GARIN3: variants seen among roughly 807,000 people sequenced by gnomAD.
GARIN3 encodes the protein golgi associated RAB2 interactor family member 3.
chr5:157,165,524 A>G, the GARIN3 span: 1 of 1,560,250 alleles, frequency 6.4e-7, no homozygotes, highest in Non-Finnish European at 8.7e-7. Flanking sequence ...GCTCCCCCAA[A>G]GAACCTGCCC....
the GARIN3 span, chr5:157,162,537 T>TG: frequency 6.2e-7 from 1 of 1,614,192 alleles, no homozygotes; most frequent in Non-Finnish European, 8.5e-7. Flanking sequence ...CACCCTGGGC[T>TG]TTCTCCACTT....
the GARIN3 span, chr5:157,162,408 A>T: frequency 3.2e-5 from 50 of 1,584,656 alleles, no homozygotes; most frequent in Non-Finnish European, 4.2e-5. Context: ...CTCTAGGGAT[A>T]CTTCCAGATC....
the GARIN3 span, chr5:157,162,556 A>C: frequency 6.2e-7 from 1 of 1,613,940 alleles, no homozygotes; most frequent in Admixed American, 1.7e-5. Context: ...TTTGGCCTCT[A>C]TGTTTTGCTT....
the GARIN3 span, chr5:157,165,636 G>A: frequency 8.7e-6 from 14 of 1,614,160 alleles, no homozygotes; most frequent in East Asian, 3.1e-4. Context: ...ACTCTCTACT[G>A]GTGGCCTCAG....
At chr5:157,162,325 G>T in the GARIN3 span, 17 of 1,413,226 alleles carry the variant, frequency 1.2e-5, no homozygotes, top group African/African-American at 1.2e-4. Flanking sequence ...TCAAGCAGGA[G>T]ATTGTATTTC....
At chr5:157,166,000 TTTTG>T in the GARIN3 span, 8 of 1,614,178 alleles carry the variant, frequency 5.0e-6, no homozygotes, top group South Asian at 2.2e-5. Context: ...ACCTCTCCCT[TTTTG>T]TTTATCTGAA....
chr5:157,163,735 C>T, the GARIN3 span: 1 of 1,513,564 alleles, frequency 6.6e-7, no homozygotes, highest in Non-Finnish European at 8.8e-7. Flanking sequence ...CCTCTCTTAT[C>T]CTGGAGTTAA....
At chr5:157,165,011 C>G in the GARIN3 span, among the ~76,000 whole-genome samples, 1 of 152,034 alleles carries the variant, frequency 6.6e-6, no homozygotes, top group Non-Finnish European at 1.5e-5. Context: ...AAGAGCGAAA[C>G]TCTGTCTCAA....
At chr5:157,163,721 T>C in the GARIN3 span, 1 of 1,539,456 alleles carries the variant, frequency 6.5e-7, no homozygotes, top group Non-Finnish European at 8.7e-7. Flanking sequence ...CAGAACTTTC[T>C]ACTCCTCTCT....
chr5:157,163,629 C>G, the GARIN3 span: 1 of 1,614,066 alleles, frequency 6.2e-7, no homozygotes, highest in Non-Finnish European at 8.5e-7. Flanking sequence ...CAGTCTCACT[C>G]TGATCCCCTT....
At chr5:157,162,032 C>T in the GARIN3 span, 4 of 201,050 alleles carry the variant, frequency 2.0e-5, no homozygotes, top group Non-Finnish European at 4.0e-5. Context: ...TCTGCATAGG[C>T]TAAGAACTGG....
the GARIN3 span, among the ~76,000 whole-genome samples, chr5:157,164,295 G>A: frequency 2.2e-3 from 327 of 151,914 alleles, 5 homozygotes; most frequent in African/African-American, 6.5e-3. Flanking sequence ...GACTACAGGC[G>A]CCCACCACCA....
At chr5:157,164,146 CTTTTT>C in the GARIN3 span, among the ~76,000 whole-genome samples, 1 of 127,220 alleles carries the variant, frequency 7.9e-6, no homozygotes, top group Non-Finnish European at 1.7e-5. Flanking sequence ...AGTCTTTTGT[CTTTTT>C]TTTTTTTTTT....
chr5:157,163,215 G>C, the GARIN3 span: 1 of 1,614,070 alleles, frequency 6.2e-7, no homozygotes, highest in South Asian at 1.1e-5. Flanking sequence ...CCAAGGAGGT[G>C]CTTGCAGCAC....
the GARIN3 span, chr5:157,163,432 G>A: frequency 3.1e-6 from 5 of 1,614,088 alleles, no homozygotes; most frequent in Non-Finnish European, 4.2e-6. Flanking sequence ...ATCTGTTCTA[G>A]GTCCTGTTGC....
chr5:157,163,810 C>T, the GARIN3 span: 2 of 1,010,440 alleles, frequency 2.0e-6, no homozygotes, highest in South Asian at 1.7e-5. Context: ...AATCCCAACA[C>T]TTTGGGAGGC....
the GARIN3 span, chr5:157,162,692 C>T: frequency 6.2e-7 from 1 of 1,614,212 alleles, no homozygotes; most frequent in Non-Finnish European, 8.5e-7. Context: ...TGTAAAGCTC[C>T]TGTGCTAGAT....
At chr5:157,166,157 T>C in the GARIN3 span, 1 of 1,609,688 alleles carries the variant, frequency 6.2e-7, no homozygotes, top group Non-Finnish European at 8.5e-7. Flanking sequence ...GTAAACAAGA[T>C]TCATTGCTCA....
chr5:157,163,255 G>T, the GARIN3 span: 1 of 1,614,164 alleles, frequency 6.2e-7, no homozygotes, highest in Non-Finnish European at 8.5e-7. Context: ...ACCCTCTGAG[G>T]ATATGTTGGC....
Sources: allele counts gnomAD v4.1 joint callset (sites outside exome capture counted in the v4.1 genomes callset), GRCh38; gene constraint gnomAD v4.1.1; transcripts MANE v1.5; gene names NCBI Gene and HGNC (gene_info 2026-07-23, HGNC 2026-07-21).